ME3: variants seen among roughly 807,000 people sequenced by gnomAD.
ME3 encodes the protein malic enzyme 3, also known as NADP-dependent malic enzyme, mitochondrial.
A neutral mutation model predicts 68.9 loss-of-function variants in ME3; 48 were observed. That is an observed-to-expected ratio of 0.70 (90% confidence interval 0.55 to 0.89). The LOEUF (loss-of-function observed/expected upper bound fraction) is 0.89, where lower values mean the gene tolerates loss of function less well. Among genes scored for constraint, ME3 ranks in the 40% least tolerant of loss-of-function variants. The pLI, the probability that ME3 is intolerant of heterozygous loss-of-function variation, is 0.00. For missense variants in ME3, 675 were observed against 797.4 expected, an observed-to-expected ratio of 0.85 and a Z score of 1.85; for synonymous variants, 320 against 318.8, an observed-to-expected ratio of 1.00 and a Z score of -0.04.
intron 6 of ME3, among the ~76,000 whole-genome samples, chr11:86,496,975 A>G (rs1952376423): frequency 6.6e-6 from 1 of 151,480 alleles, no homozygotes; most frequent in African/African-American, 2.4e-5. Flanking sequence ...ATTTCTCTGA[A>G]TTTTCTCTAT....
At chr11:86,595,946 A>G (rs1416657406) in intron 2 of ME3, among the ~76,000 whole-genome samples, 1 of 152,218 alleles carries the variant, frequency 6.6e-6, no homozygotes, top group Non-Finnish European at 1.5e-5. Flanking sequence ...TTCAGAATTT[A>G]CCTTCTGGGT....
chr11:86,656,904 A>G (rs943812652), intron 2 of ME3, among the ~76,000 whole-genome samples: 2 of 152,096 alleles, frequency 1.3e-5, no homozygotes, highest in Non-Finnish European at 2.9e-5. Context: ...AATGCAAAGT[A>G]AAACTACAAT....
At chr11:86,446,534 G>A (rs771393541) in intron 12 of ME3, 47 bp from the exon 13 acceptor site, 1 of 1,582,778 alleles carries the variant, frequency 6.3e-7, no homozygotes, top group African/African-American at 1.3e-5. Context: ...ATTGGTTTGG[G>A]GTAATAATAG....
At chr11:86,471,141 C>CTTTTTTTTTTTTTTTTTTTTTTTTTTT (rs1163128094) in intron 7 of ME3, among the ~76,000 whole-genome samples, 3 of 75,044 alleles carry the variant, frequency 4.0e-5, no homozygotes, top group African/African-American at 1.9e-4. Flanking sequence ...AGGCCCAGAG[C>CTTTTTTTTTTTTTTTTTTTTTTTTTTT]TTTTTTTTTT....
intron 2 of ME3, among the ~76,000 whole-genome samples, chr11:86,605,096 A>G (rs1961427173): frequency 1.3e-5 from 2 of 152,222 alleles, no homozygotes; most frequent in Non-Finnish European, 2.9e-5. Flanking sequence ...ACGGAATCAT[A>G]ACGTATGTGA....
intron 4 of ME3, among the ~76,000 whole-genome samples, chr11:86,518,501 G>A (rs767447172): frequency 6.6e-6 from 1 of 152,126 alleles, no homozygotes; most frequent in African/African-American, 2.4e-5. Flanking sequence ...ATTTCTTCTC[G>A]AATTTATCAT....
At chr11:86,657,459 G>A (rs1188296628) in intron 2 of ME3, among the ~76,000 whole-genome samples, 1 of 148,740 alleles carries the variant, frequency 6.7e-6, no homozygotes, top group East Asian at 2.0e-4. Context: ...CATACATTGG[G>A]GCCTGTAGGA....
chr11:86,561,623 C>T (rs1957241757), intron 2 of ME3, among the ~76,000 whole-genome samples: 1 of 152,206 alleles, frequency 6.6e-6, no homozygotes, highest in Non-Finnish European at 1.5e-5. Flanking sequence ...CAATAAAAAG[C>T]TTGGCTTTGA....
intron 2 of ME3, among the ~76,000 whole-genome samples, chr11:86,571,675 G>A (rs188284696): frequency 3.8e-4 from 58 of 152,376 alleles, no homozygotes; most frequent in Admixed American, 9.8e-4. Context: ...TGGAAAGCAT[G>A]GGAACTGCAG....
intron 2 of ME3, among the ~76,000 whole-genome samples, chr11:86,657,139 A>C (rs1314905965): frequency 6.6e-6 from 1 of 152,206 alleles, no homozygotes; most frequent in East Asian, 1.9e-4. Context: ...AAGGATTATA[A>C]ATCATTCTGC....
chr11:86,559,870 G>A, intron 2 of ME3, 47 bp from the exon 3 acceptor site: 3 of 1,590,364 alleles, frequency 1.9e-6, no homozygotes, highest in African/African-American at 1.3e-5. Context: ...GCATACTCAG[G>A]AGACAAAGGA....
intron 2 of ME3, among the ~76,000 whole-genome samples, chr11:86,659,280 C>T (rs1156625938): frequency 6.6e-6 from 1 of 152,156 alleles, no homozygotes; most frequent in Non-Finnish European, 1.5e-5. Context: ...TATGGAGAGA[C>T]TCAAAAGCCC....
chr11:86,581,931 C>T (rs988405619), intron 2 of ME3, among the ~76,000 whole-genome samples: 2 of 152,180 alleles, frequency 1.3e-5, no homozygotes, highest in African/African-American at 2.4e-5. Flanking sequence ...GAAATCACAC[C>T]TTGTCTGCTA....
rs140151338 is a variant in ME3, at chr11:86,574,807, C to T, written c.184-14984G>A. ...CGTAGTCGCTCTTAAAAGGAAGGGG[C>T]GGGAAAGTTTTTAAAGTCAAAAAAC... is the stretch of plus-strand genomic sequence containing the variant. On this transcript the variant is annotated intron_variant, in intron 2 of 14. Coordinates refer to ENST00000543262, the Ensembl canonical transcript of ME3. Among the ~76,000 whole-genome samples, 392 of 152,208 alleles carry T rather than the reference C, an allele frequency of 2.6e-3. 3 individuals are homozygous for T. Among genetic ancestry groups the T allele is most frequent in the African/African-American group, 9.0e-3 (372 of 41,532 alleles).
intron 3 of ME3, among the ~76,000 whole-genome samples, chr11:86,557,621 T>C (rs1956998330): frequency 6.6e-6 from 1 of 152,168 alleles, no homozygotes; most frequent in Non-Finnish European, 1.5e-5. Flanking sequence ...TTCTTGGGTC[T>C]CAGCCTCTTC....
intron 4 of ME3, among the ~76,000 whole-genome samples, chr11:86,550,236 A>G (rs1956597708): frequency 6.6e-6 from 1 of 152,184 alleles, no homozygotes; most frequent in Admixed American, 6.5e-5. Context: ...TAATATTACC[A>G]TGGATCACTT....
chr11:86,669,806 C>T lies in ME3; in HGVS notation c.183+1956G>A, dbSNP rs533756252. Reference sequence around the variant, plus strand: ...CAAGAATGATTTCAGGGGACCAAAACCTAGGTTTTAAAAAAAGACTTAAAG... The same window carrying T: ...CAAGAATGATTTCAGGGGACCAAAATCTAGGTTTTAAAAAAAGACTTAAAG... On this transcript the variant is annotated intron_variant, in intron 2 of 14. Transcript: ENST00000543262. Among the ~76,000 whole-genome samples the T allele has an allele frequency of 7.2e-5, 11 of 152,280 alleles. No individual in the cohort carries two copies. In the South Asian group the frequency reaches 2.1e-3, roughly 29 times the overall value.
At chr11:86,540,177 G>A (rs558082704) in intron 4 of ME3, among the ~76,000 whole-genome samples, 34 of 152,310 alleles carry the variant, frequency 2.2e-4, no homozygotes, top group Non-Finnish European at 3.4e-4. Context: ...TAGAGGCCCC[G>A]AGTTCTGGAT....
At chr11:86,490,205 C>A (rs919339635) in intron 6 of ME3, among the ~76,000 whole-genome samples, 1 of 152,162 alleles carries the variant, frequency 6.6e-6, no homozygotes, top group African/African-American at 2.4e-5. Context: ...CACCCCAAGG[C>A]CTGGGTACAC....
Sources: gnomAD v4.1 joint callset for allele counts (sites outside exome capture counted in the v4.1 genomes callset) on GRCh38, gnomAD v4.1.1 for gene constraint, MANE v1.5 for transcripts, NCBI Gene and HGNC (gene_info 2026-07-23, HGNC 2026-07-21) for gene names.